CCSER1: variants seen among roughly 807,000 people sequenced by gnomAD.
The protein encoded by CCSER1 is coiled-coil serine rich protein 1.
CCSER1 carries 41 observed loss-of-function variants against 82.0 expected under a neutral mutation model. The ratio of observed to expected loss-of-function variants is 0.50; its 90% CI spans 0.39 to 0.65. CCSER1 has a LOEUF of 0.65. Among genes scored for constraint, CCSER1 ranks in the 30% least tolerant of loss-of-function variants. The pLI is 0.00. For missense variants in CCSER1, 1,119 were observed against 1,064.2 expected, an observed-to-expected ratio of 1.05 and a Z score of -0.72; for synonymous variants, 414 against 383.9, an observed-to-expected ratio of 1.08 and a Z score of -0.92.
intron 4 of CCSER1, among the ~76,000 whole-genome samples, chr4:90,426,994 T>A (rs1757614611): frequency 6.6e-6 from 1 of 152,078 alleles, no homozygotes; most frequent in African/African-American, 2.4e-5. Context: ...ATGATATATC[T>A]GCAGGAAATG....
At chr4:91,257,800 C>T (rs1740812958) in intron 10 of CCSER1, among the ~76,000 whole-genome samples, 1 of 152,072 alleles carries the variant, frequency 6.6e-6, no homozygotes, top group Non-Finnish European at 1.5e-5. Context: ...GCAGATGTTT[C>T]TTCCACATGA....
chr4:91,420,204 C>A (rs951917356), intron 10 of CCSER1, among the ~76,000 whole-genome samples: 2 of 151,938 alleles, frequency 1.3e-5, no homozygotes, highest in Non-Finnish European at 2.9e-5. Context: ...ACAAATGGGA[C>A]AACAGCCACC....
intron 4 of CCSER1, among the ~76,000 whole-genome samples, chr4:90,449,537 G>A (rs76412080): frequency 3.5e-4 from 53 of 152,318 alleles, no homozygotes; most frequent in Non-Finnish European, 6.9e-4. Flanking sequence ...TTTCTGCCGA[G>A]GAGTGCCTGC....
rs61457393 is a variant in CCSER1 at position 90,782,685 on chromosome 4, C to CT, written c.2011-33061dup. On this transcript the variant is annotated intron_variant, in intron 7 of 10. Coordinates refer to ENST00000509176, the MANE Select transcript of CCSER1 (RefSeq NM_001145065.2). ...AGGGATTTCTTTCTTTTCTTTCTTT[C>CT]TTTTTTTTTTTTTTTTGAGACAGTC... Among the ~76,000 whole-genome samples the CT allele has an allele frequency of 5.3e-3, 716 of 133,954 alleles. 7 individuals carry two copies. The highest frequency in any genetic ancestry group is 0.01 in the East Asian group (45 of 4,488). 87.9% of individuals were successfully genotyped at this position (133,954 alleles called of 152,430 possible).
At chr4:90,233,794 A>G (rs2153429983) in intron 1 of CCSER1, among the ~76,000 whole-genome samples, 1 of 151,974 alleles carries the variant, frequency 6.6e-6, no homozygotes, top group Non-Finnish European at 1.5e-5. Flanking sequence ...TTTGAAAAGT[A>G]TTTTTTTATT....
chr4:91,338,153 C>A (rs545610553), intron 10 of CCSER1, among the ~76,000 whole-genome samples: 2 of 152,226 alleles, frequency 1.3e-5, no homozygotes, highest in African/African-American at 4.8e-5. Flanking sequence ...ATTGTTTGTG[C>A]ACTTTCTTTC....
intron 10 of CCSER1, among the ~76,000 whole-genome samples, chr4:91,378,541 G>A (rs1178760557): frequency 6.6e-6 from 1 of 152,040 alleles, no homozygotes. Context: ...TCATGATTTG[G>A]CTCTCTGTTT....
In CCSER1 at chr4:91,237,725, C is replaced by T. The variant is rs143415216; in HGVS notation, c.2217+151731C>T. On this transcript the variant is annotated intron_variant, in intron 10 of 10. Coordinates refer to ENST00000509176, the MANE Select transcript of CCSER1 (RefSeq NM_001145065.2). ...GGAGAGAGAGAGAGACAGAGACTGACAGAGGAGAGAGAAAGAGAGCACAAG... is the reference window on the plus strand; with the variant it reads ...GGAGAGAGAGAGAGACAGAGACTGATAGAGGAGAGAGAAAGAGAGCACAAG... Among the ~76,000 whole-genome samples, 104 of 152,108 alleles carry T rather than the reference C, an allele frequency of 6.8e-4. 3 individuals carry two copies. In the East Asian group the frequency reaches 0.019, roughly 27 times the overall value.
intron 10 of CCSER1, among the ~76,000 whole-genome samples, chr4:91,217,230 C>G (rs576509152): frequency 2.0e-5 from 3 of 152,250 alleles, no homozygotes; most frequent in South Asian, 2.1e-4. Context: ...GAAAGGGACC[C>G]GAGCGGGTTG....
intron 8 of CCSER1, among the ~76,000 whole-genome samples, chr4:90,821,364 T>C (rs1759697737): frequency 6.6e-6 from 1 of 152,126 alleles, no homozygotes; most frequent in African/African-American, 2.4e-5. Flanking sequence ...TTACACATCA[T>C]GGTGATTGGA....
intron 3 of CCSER1, among the ~76,000 whole-genome samples, chr4:90,395,287 T>C (rs1751786870): frequency 6.6e-6 from 1 of 152,228 alleles, no homozygotes. Context: ...GAGAAAATTG[T>C]ACATGTTACA....
chr4:90,665,330 T>C (rs1012562797), intron 6 of CCSER1, among the ~76,000 whole-genome samples: 7 of 42,804 alleles, frequency 1.6e-4, no homozygotes, highest in Admixed American at 3.7e-4. Context: ...TTTTTTTTTC[T>C]TTTTTTTTTT....
chr4:91,234,053 A>G (rs1738823614), intron 10 of CCSER1, among the ~76,000 whole-genome samples: 1 of 152,016 alleles, frequency 6.6e-6, no homozygotes, highest in South Asian at 2.1e-4. Flanking sequence ...ACAGTAGACA[A>G]AAAGTATTAA....
At chr4:91,043,893 T>G (rs2150583722) in intron 9 of CCSER1, among the ~76,000 whole-genome samples, 1 of 152,278 alleles carries the variant, frequency 6.6e-6, no homozygotes, top group South Asian at 2.1e-4. Flanking sequence ...TGGCTCAGAC[T>G]TCTTATGGAA....
intron 10 of CCSER1, among the ~76,000 whole-genome samples, chr4:91,179,011 C>G (rs566384694): frequency 2.6e-5 from 4 of 152,278 alleles, no homozygotes; most frequent in Non-Finnish European, 4.4e-5. Flanking sequence ...GACAAAATCT[C>G]TCAGCATTTG....
At chr4:90,694,223 G>C (rs1736559710) in intron 6 of CCSER1, among the ~76,000 whole-genome samples, 4 of 151,344 alleles carry the variant, frequency 2.6e-5, no homozygotes, top group African/African-American at 9.7e-5. Flanking sequence ...TAATTATTAA[G>C]CATCTGTCAT....
intron 10 of CCSER1, among the ~76,000 whole-genome samples, chr4:91,124,803 G>C (rs1727367741): frequency 6.6e-6 from 1 of 151,738 alleles, no homozygotes; most frequent in South Asian, 2.1e-4. Flanking sequence ...TTAAGTCTTA[G>C]TAATCAGAGT....
At chr4:90,532,719 C>T (rs966888626) in intron 5 of CCSER1, among the ~76,000 whole-genome samples, 1 of 152,092 alleles carries the variant, frequency 6.6e-6, no homozygotes, top group African/African-American at 2.4e-5. Flanking sequence ...TACCAAAATT[C>T]TTTTCTATTT....
chr4:90,806,586 A>T (rs915146538), intron 7 of CCSER1, among the ~76,000 whole-genome samples: 1 of 152,188 alleles, frequency 6.6e-6, no homozygotes, highest in Non-Finnish European at 1.5e-5. Context: ...TGGCTAGCCC[A>T]CTACAGCATT....
Sources: allele counts gnomAD v4.1 joint callset (sites outside exome capture counted in the v4.1 genomes callset), GRCh38; gene constraint gnomAD v4.1.1; transcripts MANE v1.5; gene names NCBI Gene and HGNC (gene_info 2026-07-23, HGNC 2026-07-21).